The following DLG1 variants were observed in gnomAD, a reference collection of about 807,000 sequenced individuals.
The protein encoded by DLG1 is disks large homolog 1.
DLG1 carries 42 observed loss-of-function variants against 123.4 expected under a neutral mutation model. The ratio of observed to expected loss-of-function variants is 0.34; its 90% CI spans 0.27 to 0.44. The LOEUF (loss-of-function observed/expected upper bound fraction) is 0.44, where lower values mean the gene tolerates loss of function less well. Among genes scored for constraint, DLG1 ranks in the 20% least tolerant of loss-of-function variants. The pLI is 1.00. For synonymous variants in DLG1, 317 were observed against 356.2 expected (o/e 0.89, Z 1.24); for missense variants, 942 against 1,082.6 (o/e 0.87, Z 1.82).
intron 15 of DLG1, among the ~76,000 whole-genome samples, chr3:197,088,383 TA>T (rs1188479992): frequency 6.6e-6 from 1 of 151,874 alleles, no homozygotes; most frequent in African/African-American, 2.4e-5. Flanking sequence ...TCCTGCAAAA[TA>T]AAACAGGGTA....
chr3:197,050,332 A>C (rs546253507), intron 24 of DLG1, among the ~76,000 whole-genome samples: 1 of 151,830 alleles, frequency 6.6e-6, no homozygotes, highest in East Asian at 1.9e-4. Context: ...GCGCCACTGC[A>C]CTCCAGCCTG....
chr3:197,064,391 C>T (rs1057078039), intron 22 of DLG1, among the ~76,000 whole-genome samples: 2 of 152,124 alleles, frequency 1.3e-5, no homozygotes, highest in South Asian at 2.1e-4. Flanking sequence ...CGGGGTTTCA[C>T]CATGTTGGCC....
intron 4 of DLG1, among the ~76,000 whole-genome samples, chr3:197,281,323 G>C (rs1185204046): frequency 6.6e-6 from 1 of 152,048 alleles, no homozygotes; most frequent in Non-Finnish European, 1.5e-5. Flanking sequence ...ATAAACATGA[G>C]CCACCGTGCC....
intron 4 of DLG1, among the ~76,000 whole-genome samples, 153 bp from the exon 5 acceptor site, chr3:197,194,742 C>G (rs1721498222): frequency 6.6e-6 from 1 of 152,074 alleles, no homozygotes; most frequent in Admixed American, 6.6e-5. Flanking sequence ...TAGGATTTTA[C>G]TTTAAAAATA....
In DLG1 at chr3:197,199,081, C is replaced by T. The variant is rs536854119; in HGVS notation, c.319-4492G>A. Among the ~76,000 whole-genome samples, 5 of 152,156 alleles carry T rather than the reference C, an allele frequency of 3.3e-5. No individual in the cohort carries two copies. In the South Asian group the frequency reaches 6.2e-4, roughly 19 times the overall value. On this transcript the variant is annotated intron_variant, in intron 4 of 24. Transcript: ENST00000667157. ...ACCTTCAAATTATTATAAAAATTAT[C>T]ATGATAAATTGATGGATTATACATA...
At chr3:197,215,457 G>T (rs1342965445) in intron 4 of DLG1, among the ~76,000 whole-genome samples, 1 of 152,200 alleles carries the variant, frequency 6.6e-6, no homozygotes, top group East Asian at 1.9e-4. Flanking sequence ...CTACATAGGA[G>T]ATTATGACTT....
At chr3:197,223,950 C>T (rs1238088074) in intron 4 of DLG1, among the ~76,000 whole-genome samples, 1 of 152,128 alleles carries the variant, frequency 6.6e-6, no homozygotes, top group African/African-American at 2.4e-5. Flanking sequence ...CTTGTCAGTA[C>T]TACCTGCCAT....
chr3:197,242,963 T>C (rs771132309), intron 4 of DLG1, among the ~76,000 whole-genome samples: 17 of 152,138 alleles, frequency 1.1e-4, no homozygotes, highest in Non-Finnish European at 2.4e-4. Flanking sequence ...AGAGGATGCC[T>C]TGTGTTAGAA....
intron 5 of DLG1, among the ~76,000 whole-genome samples, chr3:197,159,149 G>A (rs1032395600): frequency 6.6e-6 from 1 of 152,156 alleles, no homozygotes; most frequent in Non-Finnish European, 1.5e-5. Flanking sequence ...GTGGAGTCGG[G>A]TAGGACTATA....
At chr3:197,202,610 A>G (rs1726369350) in intron 4 of DLG1, among the ~76,000 whole-genome samples, 1 of 152,224 alleles carries the variant, frequency 6.6e-6, no homozygotes, top group African/African-American at 2.4e-5. Flanking sequence ...ACCAGCAATC[A>G]TATTTAATGG....
chr3:197,121,797 C>T (rs533194275), intron 11 of DLG1, among the ~76,000 whole-genome samples: 169 of 146,300 alleles, frequency 1.2e-3, no homozygotes, highest in African/African-American at 4.0e-3. Context: ...AGAAACATCC[C>T]CTCCATCAAT....
intron 4 of DLG1, among the ~76,000 whole-genome samples, chr3:197,242,633 C>T (rs1011266960): frequency 6.6e-6 from 1 of 151,582 alleles, no homozygotes; most frequent in Non-Finnish European, 1.5e-5. Context: ...ATAAAAAGAA[C>T]CTCAAGAACT....
intron 7 of DLG1, 133 bp downstream of exon 7, chr3:197,142,585 G>A (rs1788573143): frequency 1.8e-6 from 1 of 543,290 alleles, no homozygotes; most frequent in Non-Finnish European, 3.0e-6. Flanking sequence ...AAATACCTTG[G>A]CCAATTTTAT....
chr3:197,093,913 C>A (rs538431989), intron 14 of DLG1, among the ~76,000 whole-genome samples: 9 of 152,130 alleles, frequency 5.9e-5, no homozygotes, highest in Non-Finnish European at 1.0e-4. Context: ...TGCTTTGGGT[C>A]ATTTGTATGC....
intron 5 of DLG1, among the ~76,000 whole-genome samples, chr3:197,161,384 A>G (rs1203785889): frequency 6.6e-6 from 1 of 152,204 alleles, no homozygotes; most frequent in African/African-American, 2.4e-5. Context: ...TTCTAAGTAC[A>G]AAGGCATGAA....
intron 5 of DLG1, among the ~76,000 whole-genome samples, chr3:197,175,855 T>C (rs751182416): frequency 1.3e-5 from 2 of 152,140 alleles, no homozygotes; most frequent in Non-Finnish European, 2.9e-5. Context: ...TACTTGAAAA[T>C]ACAGGAGAAA....
At chr3:197,255,193 A>T (rs1342134857) in intron 4 of DLG1, among the ~76,000 whole-genome samples, 1 of 152,162 alleles carries the variant, frequency 6.6e-6, no homozygotes, top group Admixed American at 6.6e-5. Flanking sequence ...CACATCTCTA[A>T]TCCCTCAACA....
intron 4 of DLG1, among the ~76,000 whole-genome samples, chr3:197,240,778 T>TGAAA (rs35262369): frequency 0.57 from 86,884 of 151,340 alleles, 25,218 homozygotes; most frequent in East Asian, 0.79. Flanking sequence ...CTTGCTGAAC[T>TGAAA]GATTCATTAG....
rs117894495 is a variant in DLG1, at chr3:197,271,102, C to T, written c.318+11577G>A. ...TATGTGTATTCCCAACCCATTCCAACAGTCACCCCCAGATCTTCACACCTA... is the reference window on the plus strand; with the variant it reads ...TATGTGTATTCCCAACCCATTCCAATAGTCACCCCCAGATCTTCACACCTA... On this transcript the variant is annotated intron_variant, in intron 4 of 24. Coordinates refer to ENST00000667157, the MANE Select transcript of DLG1 (RefSeq NM_001366207.1). Among the ~76,000 whole-genome samples the T allele has an allele frequency of 3.3e-5, 5 of 152,076 alleles. No individual in the cohort carries two copies. The East Asian group carries it at 9.7e-4, about 29-fold the overall frequency.
Sources: gnomAD v4.1 joint callset for allele counts (sites outside exome capture counted in the v4.1 genomes callset) on GRCh38, gnomAD v4.1.1 for gene constraint, MANE v1.5 for transcripts, NCBI Gene and HGNC (gene_info 2026-07-23, HGNC 2026-07-21) for gene names.